Variants in KAZN observed in about 807,000 individuals in gnomAD.
The protein encoded by KAZN is kazrin.
Under a neutral mutation model 87.4 loss-of-function variants are expected in KAZN, and 40 were observed. The ratio of observed to expected loss-of-function variants is 0.46; its 90% CI spans 0.36 to 0.60. The LOEUF is 0.60. Among genes scored for constraint, KAZN ranks in the 20% least tolerant of loss-of-function variants. The pLI is 0.00. For synonymous variants in KAZN, 466 were observed against 458.3 expected (o/e 1.02, Z -0.22); for missense variants, 898 against 1,073.9 (o/e 0.84, Z 2.29).
At chr1:13,949,629 C>T (rs935586541) in intron 1 of KAZN, among the ~76,000 whole-genome samples, 6 of 152,098 alleles carry the variant, frequency 3.9e-5, no homozygotes, top group African/African-American at 9.7e-5. Context: ...TGCCAAGCAG[C>T]GTCCTTAGCA....
chr1:14,161,143 A>G (rs1186165724), intron 1 of KAZN, among the ~76,000 whole-genome samples: 2 of 152,256 alleles, frequency 1.3e-5, no homozygotes, highest in Non-Finnish European at 2.9e-5. Flanking sequence ...AGGTTATTGG[A>G]GCAAAATCAA....
intron 2 of KAZN, among the ~76,000 whole-genome samples, chr1:14,545,701 A>G (rs1673097342): frequency 6.6e-6 from 1 of 152,232 alleles, no homozygotes; most frequent in African/African-American, 2.4e-5. Flanking sequence ...CATCCATGCT[A>G]CATGCTCGTC....
intron 1 of KAZN, among the ~76,000 whole-genome samples, chr1:14,144,673 T>C (rs561232477): frequency 6.6e-5 from 10 of 152,314 alleles, no homozygotes; most frequent in African/African-American, 2.4e-4. Flanking sequence ...GGCTTATGAT[T>C]CTGGTTGCTG....
rs1676703133 is a variant in KAZN, at chr1:14,598,861, T to A, written c.-137T>A. The A allele has an allele frequency of 3.5e-6, 5 of 1,418,578 alleles. No homozygotes were observed. The East Asian group carries it at 1.6e-4, about 44-fold the overall frequency. The allele number at this position is 1,418,578 out of a possible 1,614,324, so 87.9% of individuals were successfully genotyped here. A position where few individuals can be genotyped will look rare whatever the true frequency, so the allele number is the denominator to read the frequency against. On this transcript the variant is annotated 5_prime_UTR_variant, in exon 1 of 15. Coordinates refer to ENST00000376030, the MANE Select transcript of KAZN (RefSeq NM_201628.3). This position sits in a 1 kb window ranked among gnomAD's most constrained non-coding sequence, Gnocchi z 4.2. Reference sequence around the variant, plus strand: ...GTGCCGGAGGAACCGGCGCTGCCGGTGCCTGGGGGTCGGGGCGCGGGCGAA... The same window carrying A: ...GTGCCGGAGGAACCGGCGCTGCCGGAGCCTGGGGGTCGGGGCGCGGGCGAA...
chr1:14,266,467 A>G (rs905540609), intron 2 of KAZN, among the ~76,000 whole-genome samples: 8 of 152,260 alleles, frequency 5.3e-5, no homozygotes, highest in Admixed American at 1.3e-4. Context: ...TTAAATTACT[A>G]TGGCATATTT....
chr1:14,928,570 A>C (rs374772487), intron 1 of KAZN, among the ~76,000 whole-genome samples: 6 of 152,324 alleles, frequency 3.9e-5, no homozygotes, highest in South Asian at 4.2e-4. Context: ...TAAGCAACGC[A>C]AGCATTTGCT....
chr1:14,850,823 A>T (rs1232477849), intron 1 of KAZN, among the ~76,000 whole-genome samples: 2 of 152,084 alleles, frequency 1.3e-5, no homozygotes, highest in Admixed American at 6.5e-5. Flanking sequence ...TGACCACCAG[A>T]TCCCTCCCCT....
chr1:14,883,363 GAAA>G (rs1653637424), intron 1 of KAZN, among the ~76,000 whole-genome samples: 2 of 62,264 alleles, frequency 3.2e-5, no homozygotes, highest in Admixed American at 1.8e-4. Flanking sequence ...AGAAAAGAAA[GAAA>G]GAAAGAAAGA....
At chr1:14,833,459 G>T (rs975834442) in intron 1 of KAZN, among the ~76,000 whole-genome samples, 5 of 152,174 alleles carry the variant, frequency 3.3e-5, no homozygotes, top group Non-Finnish European at 7.4e-5. Flanking sequence ...TCAATATAGG[G>T]TACATTGTTG....
chr1:14,379,264 G>A, intron 2 of KAZN, among the ~76,000 whole-genome samples: 1 of 151,772 alleles, frequency 6.6e-6, no homozygotes, highest in East Asian at 1.9e-4. Context: ...ATGGTCCTTG[G>A]GTGAGACTCT....
intron 1 of KAZN, among the ~76,000 whole-genome samples, chr1:14,647,198 G>T (rs114335415): frequency 1.3e-5 from 2 of 152,064 alleles, no homozygotes; most frequent in Non-Finnish European, 2.9e-5. Context: ...ACCCCGGGGC[G>T]CAGTTTTTCC....
At chr1:15,071,775 C>T (rs1443075659) in intron 8 of KAZN, among the ~76,000 whole-genome samples, 1 of 152,224 alleles carries the variant, frequency 6.6e-6, no homozygotes. Flanking sequence ...ACGTGCCTTG[C>T]AAGGCCTTGT....
At chr1:14,242,573 G>A (rs1023380356) in intron 2 of KAZN, among the ~76,000 whole-genome samples, 2 of 152,222 alleles carry the variant, frequency 1.3e-5, no homozygotes, top group Admixed American at 1.3e-4. Context: ...TTATATTTGG[G>A]TGGGGGGATA....
At chr1:14,631,926 A>AC (rs1679601414) in intron 1 of KAZN, among the ~76,000 whole-genome samples, 1 of 151,988 alleles carries the variant, frequency 6.6e-6, no homozygotes, top group African/African-American at 2.4e-5. Flanking sequence ...TCTGGCAAGC[A>AC]CCCCCCAGCT....
chr1:14,695,510 C>CTTTTTTTTTTTTTTTTTTTTTTT lies in KAZN; in HGVS notation c.226+96302_226+96303insTTTTTTTTTTTTTTTTTTTTTTT, dbSNP rs112667110. 1.7e-3 allele frequency among the ~76,000 whole-genome samples: 147 copies of CTTTTTTTTTTTTTTTTTTTTTTT among 85,006 alleles called. 18 individuals carry two copies. Among genetic ancestry groups the CTTTTTTTTTTTTTTTTTTTTTTT allele is most frequent in the Middle Eastern group, 8.2e-3 (1 of 122 alleles). 55.8% of individuals were successfully genotyped at this position (85,006 alleles called of 152,430 possible). ...CCTCTTTCCCCAGACTACATTCCAT[C>CTTTTTTTTTTTTTTTTTTTTTTT]TTTTTTTTTTTTTTTGATGGAGTCT... On this transcript the variant is annotated intron_variant, in intron 1 of 14. Transcript: ENST00000376030.
intron 10 of KAZN, among the ~76,000 whole-genome samples, chr1:15,100,794 T>C (rs747678421): frequency 6.6e-6 from 1 of 152,244 alleles, no homozygotes; most frequent in African/African-American, 2.4e-5. Context: ...GCATCCCATC[T>C]GCAGAGCGAG....
intron 1 of KAZN, among the ~76,000 whole-genome samples, chr1:14,900,320 G>T (rs1252297662): frequency 6.6e-6 from 1 of 152,136 alleles, no homozygotes; most frequent in African/African-American, 2.4e-5. Flanking sequence ...CCAAGAGAGG[G>T]GTGAGAGCCC....
chr1:14,997,664 A>G (rs1188224105), intron 2 of KAZN, among the ~76,000 whole-genome samples: 1 of 152,168 alleles, frequency 6.6e-6, no homozygotes, highest in Non-Finnish European at 1.5e-5. Flanking sequence ...CAGTAAATCC[A>G]TGCGGAAAGC....
chr1:14,940,807 G>T (rs907876990), intron 1 of KAZN, among the ~76,000 whole-genome samples: 48 of 151,996 alleles, frequency 3.2e-4, no homozygotes, highest in African/African-American at 1.1e-3. Flanking sequence ...GGAAATGACT[G>T]CGGAGTGCTA....
Sources: gnomAD v4.1 joint callset for allele counts (sites outside exome capture counted in the v4.1 genomes callset) on GRCh38, gnomAD v4.1.1 for gene constraint, Gnocchi (gnomAD v3.1) non-coding constraint, MANE v1.5 for transcripts, NCBI Gene and HGNC (gene_info 2026-07-23, HGNC 2026-07-21) for gene names.